LRRC4C: variants seen among roughly 807,000 people sequenced by gnomAD.
LRRC4C encodes the protein leucine-rich repeat-containing protein 4C.
A neutral mutation model predicts 33.6 loss-of-function variants in LRRC4C; 5 were observed. That is an observed-to-expected ratio of 0.15 (90% CI 0.08 to 0.31). The LOEUF is 0.31. Ranked by LOEUF, LRRC4C falls within the 10% of genes least tolerant of loss-of-function variation. The probability of loss-of-function intolerance (pLI) is 1.00; values close to 1 mark genes in which losing one functional copy is unlikely to be tolerated. For synonymous variants in LRRC4C, 329 were observed against 302.0 expected, an observed-to-expected ratio of 1.09 and a Z score of -0.93; for missense variants, 560 against 796.7, an observed-to-expected ratio of 0.70 and a Z score of 3.58.
At chr11:40,877,113 T>C (rs1055244079) in intron 2 of LRRC4C, among the ~76,000 whole-genome samples, 6 of 140,510 alleles carry the variant, frequency 4.3e-5, no homozygotes, top group African/African-American at 1.5e-4. Flanking sequence ...TGTAAAACGT[T>C]GTTAAGTTCA....
chr11:40,894,635 T>C (rs1465146970), intron 2 of LRRC4C, among the ~76,000 whole-genome samples: 1 of 152,186 alleles, frequency 6.6e-6, no homozygotes, highest in African/African-American at 2.4e-5. Context: ...TAGATCAAAA[T>C]GCCTTACACT....
intron 2 of LRRC4C, among the ~76,000 whole-genome samples, chr11:40,768,438 G>T (rs1949588543): frequency 6.6e-6 from 1 of 151,954 alleles, no homozygotes; most frequent in African/African-American, 2.4e-5. Flanking sequence ...TGATAGAGGA[G>T]CAGGAACACC....
At chr11:41,289,537 C>T (rs1949933210) in intron 1 of LRRC4C, among the ~76,000 whole-genome samples, 1 of 152,110 alleles carries the variant, frequency 6.6e-6, no homozygotes, top group African/African-American at 2.4e-5. Flanking sequence ...AAAAGGAAGA[C>T]ATGGCAGAGA....
chr11:40,502,807 T>C (rs1954843713), intron 3 of LRRC4C, among the ~76,000 whole-genome samples: 1 of 152,178 alleles, frequency 6.6e-6, no homozygotes, highest in South Asian at 2.1e-4. Flanking sequence ...GGTTTATTTC[T>C]CTGTCTTCAT....
At chr11:40,914,651 C>T (rs1296962112) in intron 2 of LRRC4C, among the ~76,000 whole-genome samples, 1 of 152,148 alleles carries the variant, frequency 6.6e-6, no homozygotes, top group Non-Finnish European at 1.5e-5. Flanking sequence ...ACAGGGATGC[C>T]CTCTCTCACC....
intron 2 of LRRC4C, among the ~76,000 whole-genome samples, chr11:40,678,921 A>G (rs1385991771): frequency 1.3e-5 from 2 of 152,190 alleles, no homozygotes; most frequent in Admixed American, 6.5e-5. Context: ...GGAACTGGGT[A>G]ACAGGCAGAG....
At chr11:40,422,148 T>C (rs536404826) in intron 3 of LRRC4C, among the ~76,000 whole-genome samples, 68 of 152,312 alleles carry the variant, frequency 4.5e-4, no homozygotes, top group Non-Finnish European at 7.9e-4. Flanking sequence ...ATACATTTCC[T>C]AGAAGAGAAA....
At chr11:40,538,767 A>C (rs375292818) in intron 3 of LRRC4C, among the ~76,000 whole-genome samples, 29 of 152,174 alleles carry the variant, frequency 1.9e-4, no homozygotes, top group African/African-American at 7.0e-4. Flanking sequence ...CCAATAGTGT[A>C]AAAGTGTTCC....
chr11:41,353,467 T>C (rs1352563516), intron 1 of LRRC4C, among the ~76,000 whole-genome samples: 2 of 152,126 alleles, frequency 1.3e-5, no homozygotes, highest in African/African-American at 4.8e-5. Context: ...GTACCAATAC[T>C]ACTGAAAATA....
intron 3 of LRRC4C, among the ~76,000 whole-genome samples, chr11:40,565,637 A>T (rs1957727326): frequency 6.6e-6 from 1 of 151,510 alleles, no homozygotes; most frequent in Non-Finnish European, 1.5e-5. Context: ...TCACCCAAAG[A>T]CTCTTTTGGC....
chr11:40,268,681 A>T (rs1211941505), intron 4 of LRRC4C, among the ~76,000 whole-genome samples: 1 of 152,180 alleles, frequency 6.6e-6, no homozygotes, highest in Non-Finnish European at 1.5e-5. Context: ...AAAATAAAAG[A>T]TTAAAAATAT....
At chr11:41,298,891 T>C (rs1023817994) in intron 1 of LRRC4C, among the ~76,000 whole-genome samples, 2 of 152,156 alleles carry the variant, frequency 1.3e-5, no homozygotes, top group African/African-American at 4.8e-5. Context: ...GAGAATGTGG[T>C]ATTTGACATT....
At chr11:41,275,849 G>T (rs1591131178) in intron 1 of LRRC4C, among the ~76,000 whole-genome samples, 3 of 152,122 alleles carry the variant, frequency 2.0e-5, no homozygotes, top group Admixed American at 6.5e-5. Context: ...AGGAAAAAAT[G>T]CAGGTTATCA....
At chr11:41,128,940 G>A (rs1204752209) in intron 1 of LRRC4C, among the ~76,000 whole-genome samples, 2 of 151,970 alleles carry the variant, frequency 1.3e-5, no homozygotes, top group Non-Finnish European at 2.9e-5. Context: ...TTCAACGAGT[G>A]TTTATATCAC....
At chr11:40,693,878 C>T (rs1945349712) in intron 2 of LRRC4C, among the ~76,000 whole-genome samples, 1 of 152,160 alleles carries the variant, frequency 6.6e-6, no homozygotes, top group East Asian at 1.9e-4. Flanking sequence ...TTGCCAAAAG[C>T]CGCATTGTGT....
intron 1 of LRRC4C, among the ~76,000 whole-genome samples, chr11:41,211,491 C>T (rs1311646699): frequency 6.6e-6 from 1 of 152,198 alleles, no homozygotes; most frequent in African/African-American, 2.4e-5. Flanking sequence ...CCCCCCATCC[C>T]ACAACAGGCC....
chr11:41,051,109 A>G (rs11036205), intron 1 of LRRC4C, among the ~76,000 whole-genome samples: 16,298 of 152,118 alleles, frequency 0.11, 953 homozygotes, highest in South Asian at 0.2. Context: ...GCATGATATT[A>G]TGGATTCTGA....
intron 2 of LRRC4C, among the ~76,000 whole-genome samples, chr11:40,933,137 G>A (rs1230518488): frequency 6.6e-6 from 1 of 152,170 alleles, no homozygotes; most frequent in African/African-American, 2.4e-5. Flanking sequence ...AAAGATAAAG[G>A]AAGGATAAAT....
chr11:40,776,278 T>C (rs1949991195), intron 2 of LRRC4C, among the ~76,000 whole-genome samples: 1 of 151,952 alleles, frequency 6.6e-6, no homozygotes, highest in Non-Finnish European at 1.5e-5. Flanking sequence ...TTTTCTCTTT[T>C]TTTTTTTGAA....
Sources: allele counts gnomAD v4.1 joint callset (sites outside exome capture counted in the v4.1 genomes callset), GRCh38; gene constraint gnomAD v4.1.1; transcripts MANE v1.5; gene names NCBI Gene and HGNC (gene_info 2026-07-23, HGNC 2026-07-21).